SKP1: variants seen among roughly 807,000 people sequenced by gnomAD.
The protein encoded by SKP1 is S-phase kinase-associated protein 1.
SKP1 carries 1 observed loss-of-function variant against 21.5 expected under a neutral mutation model. That is an observed-to-expected ratio of 0.05 (90% CI 0.02 to 0.22). The LOEUF is 0.22. Among genes scored for constraint, SKP1 ranks in the 10% least tolerant of loss-of-function variants. The probability of loss-of-function intolerance (pLI) is 1.00; values close to 1 mark genes in which losing one functional copy is unlikely to be tolerated. For missense variants in SKP1, 70 were observed against 192.0 expected, an observed-to-expected ratio of 0.36 and a Z score of 3.76; for synonymous variants, 59 against 59.3, an observed-to-expected ratio of 0.99 and a Z score of 0.03.
intron 1 of SKP1, chr5:134,175,194 A>G (rs536855087): frequency 2.0e-5 from 3 of 152,368 alleles, no homozygotes; most frequent in Admixed American, 2.0e-4. Context: ...CTCTGAGACA[A>G]TTGTCGCCAA....
chr5:134,162,022 G>C (rs900403961), intron 3 of SKP1: 1 of 150,056 alleles, frequency 6.7e-6, no homozygotes, highest in African/African-American at 2.5e-5. Flanking sequence ...ACAATGCTGA[G>C]AGAAAATGGC....
rs552398594 is a variant in SKP1 at position 134,157,288 on chromosome 5, T to C, written c.*445A>G. The C allele has an allele frequency of 1.1e-3, 193 of 178,428 alleles. No individual in the cohort carries two copies. The highest frequency in any genetic ancestry group is 1.7e-3 in the Non-Finnish European group (146 of 84,160). The allele number at this position is 178,428 out of a possible 1,614,324, so 11.1% of individuals were successfully genotyped here. A position where few individuals can be genotyped will look rare whatever the true frequency, so the allele number is the denominator to read the frequency against. On this transcript the variant is annotated 3_prime_UTR_variant, in exon 6 of 6. Coordinates refer to ENST00000353411, the MANE Select transcript of SKP1 (RefSeq NM_170679.3). ...ATCCTAGTAGCTCCACTCAGAACATTTACTTCAAGAAGCCTTTTTCCAGTT... is the reference window on the plus strand; with the variant it reads ...ATCCTAGTAGCTCCACTCAGAACATCTACTTCAAGAAGCCTTTTTCCAGTT...
chr5:134,149,734 C>T lies in SKP1; in HGVS notation c.*7999G>A, dbSNP rs1482658544. ...CATTCTAACCAGGGCTTATGCAAGA[C>T]CAGGTTGCTGCATCTGATTTGGTGT... On this transcript the variant is annotated 3_prime_UTR_variant, in exon 6 of 6. Transcript: ENST00000353411. 4 of 151,390 alleles carry T rather than the reference C, an allele frequency of 2.6e-5. No individual in the cohort carries two copies. The highest frequency in any genetic ancestry group is 7.3e-5 in the African/African-American group (3 of 40,946). 9.4% of individuals were successfully genotyped at this position (151,390 alleles called of 1,614,324 possible).
At chr5:134,159,387 G>A (rs911291254) in intron 4 of SKP1, among the ~76,000 whole-genome samples, 1 of 150,122 alleles carries the variant, frequency 6.7e-6, no homozygotes, top group Middle Eastern at 3.2e-3. Context: ...TTACAATGGA[G>A]ACTTTTTTTT....
chr5:134,170,566 G>C (rs1333477206), intron 2 of SKP1, among the ~76,000 whole-genome samples: 1 of 152,150 alleles, frequency 6.6e-6, no homozygotes, highest in African/African-American at 2.4e-5. Context: ...CATAACCAGA[G>C]ATACTGCAGG....
At chr5:134,159,252 G>A (rs754773435) in intron 4 of SKP1, among the ~76,000 whole-genome samples, 1 of 152,048 alleles carries the variant, frequency 6.6e-6, no homozygotes, top group Non-Finnish European at 1.5e-5. Context: ...TTTCTTCTCT[G>A]ACCCATAGGT....
chr5:134,176,023 C>T (rs1363541438), intron 1 of SKP1, among the ~76,000 whole-genome samples: 1 of 152,124 alleles, frequency 6.6e-6, no homozygotes, highest in African/African-American at 2.4e-5. Flanking sequence ...TTCTATGAAA[C>T]GGATACATTC....
chr5:134,173,936 G>A lies in SKP1; in HGVS notation c.87C>T (p.Thr29=). Reference sequence around the variant, plus strand: ...TTCCAATGAACTTACCTTCCAACATGGTCTTAATAGTCACAGATTGTTTGG... The same window carrying A: ...TTCCAATGAACTTACCTTCCAACATAGTCTTAATAGTCACAGATTGTTTGG... ...EIAKQSVTIK[T]MLEDLGMDDE... The change falls in exon 2 of 6, where the codon ACC becomes ACT. Residue 29 remains threonine (T), a synonymous_variant. Coordinates refer to ENST00000353411, the MANE Select transcript of SKP1 (RefSeq NM_170679.3). The A allele has an allele frequency of 1.3e-6, 2 of 1,584,628 alleles. No individual in the cohort carries two copies. The highest frequency in any genetic ancestry group is 8.7e-7 in the Non-Finnish European group (1 of 1,153,510).
chr5:134,171,303 T>C (rs982188471), intron 2 of SKP1, among the ~76,000 whole-genome samples: 2 of 152,208 alleles, frequency 1.3e-5, no homozygotes, highest in African/African-American at 4.8e-5. Context: ...GTCTACAGTA[T>C]ATAAATCTGG....
chr5:134,158,212 T>C, intron 5 of SKP1: 2 of 1,420,378 alleles, frequency 1.4e-6, no homozygotes, highest in Non-Finnish European at 9.2e-7. Flanking sequence ...TAGTAACTGT[T>C]AATACATTAA....
rs1160353774 is a variant in SKP1, at chr5:134,154,739, A to C, written c.*2994T>G. On this transcript the variant is annotated 3_prime_UTR_variant, in exon 6 of 6. Transcript: ENST00000353411. ...ATCTGCCAAATACCTTCTTCCTCTC[A>C]TTCTCTTTCCTGGTGAAATAAAAGG... The C allele has an allele frequency of 6.6e-6, 1 of 152,176 alleles. No homozygotes were observed. The highest frequency in any genetic ancestry group is 1.5e-5 in the Non-Finnish European group (1 of 68,038). The allele number at this position is 152,176 out of a possible 1,614,324, so 9.4% of individuals were successfully genotyped here.
intron 3 of SKP1, among the ~76,000 whole-genome samples, chr5:134,163,888 T>C (rs1761273899): frequency 6.6e-6 from 1 of 152,136 alleles, no homozygotes; most frequent in South Asian, 2.1e-4. Flanking sequence ...TCTGACCTTA[T>C]CTACTCACTT....
chr5:134,165,197 CTGAA>C (rs1174467809), intron 3 of SKP1, among the ~76,000 whole-genome samples: 1 of 152,026 alleles, frequency 6.6e-6, no homozygotes, highest in African/African-American at 2.4e-5. Flanking sequence ...ATTAATGTCA[CTGAA>C]TGGTGCACGT....
chr5:134,162,630 A>ACC lies in SKP1; in HGVS notation c.172-1502_172-1501dup, dbSNP rs375716876. On this transcript the variant is annotated intron_variant, in intron 3 of 5. Coordinates refer to ENST00000353411, the MANE Select transcript of SKP1 (RefSeq NM_170679.3). Reference sequence around the variant, plus strand: ...TCGAACTCCTGACCTCAGATGATCCACCCCCCTTGGCTTCCCAAAGTGCTG... The same window carrying ACC: ...TCGAACTCCTGACCTCAGATGATCCACCCCCCCCTTGGCTTCCCAAAGTGCTG... Among the ~76,000 whole-genome samples, 599 of 151,138 alleles carry ACC rather than the reference A, an allele frequency of 4.0e-3. 7 individuals carry two copies. Among genetic ancestry groups the ACC allele is most frequent in the African/African-American group, 0.014 (556 of 41,146 alleles).
At chr5:134,173,783 T>A (rs1449212159) in intron 2 of SKP1, 143 bp downstream of exon 2, 1 of 702,760 alleles carries the variant, frequency 1.4e-6, no homozygotes, top group East Asian at 2.8e-5. Context: ...CAGAAAAATG[T>A]AAGTTATAAA....
rs1378826062 is a variant in SKP1, at chr5:134,155,803, G to A, written c.*1930C>T. ...CATAATACTGCTAAGGATACTTCTG[G>A]TTTGTTTTTGAGACAAGGTCTCGCT... On this transcript the variant is annotated 3_prime_UTR_variant, in exon 6 of 6. Coordinates refer to ENST00000353411, the MANE Select transcript of SKP1 (RefSeq NM_170679.3). 2.0e-5 allele frequency: 3 copies of A among 152,132 alleles called. No individual in the cohort carries two copies. Among genetic ancestry groups the A allele is most frequent in the African/African-American group, 7.2e-5 (3 of 41,410 alleles). The allele number at this position is 152,132 out of a possible 1,614,324, so 9.4% of individuals were successfully genotyped here.
chr5:134,155,323 A>T lies in SKP1; in HGVS notation c.*2410T>A, dbSNP rs1346200147. 6.6e-6 allele frequency: 1 copy of T among 152,256 alleles called. No individual in the cohort carries two copies. The highest frequency in any genetic ancestry group is 2.4e-5 in the African/African-American group (1 of 41,466). The allele number at this position is 152,256 out of a possible 1,614,324, so 9.4% of individuals were successfully genotyped here. A position where few individuals can be genotyped will look rare whatever the true frequency, so the allele number is the denominator to read the frequency against. On this transcript the variant is annotated 3_prime_UTR_variant, in exon 6 of 6. Coordinates refer to ENST00000353411, the MANE Select transcript of SKP1 (RefSeq NM_170679.3). ...AGCCTAGAAAAGTTCTAGTAGATAT[A>T]TTAAAGGAATAGTGGGCATACAGCA...
chr5:134,169,544 T>C (rs926348710), intron 2 of SKP1, among the ~76,000 whole-genome samples: 22 of 152,210 alleles, frequency 1.4e-4, no homozygotes, highest in Non-Finnish European at 2.9e-4. Context: ...CAAATGTAAT[T>C]TGGAACGAGG....
At position 134,157,683 on chromosome 5, in the gene SKP1, A is replaced by C; in HGVS notation, c.*50T>G. ...TAACAATTATAAACAGAGCAGTGCA[A>C]CTAGTATTTGGAACAATCCTTACAG... On this transcript the variant is annotated 3_prime_UTR_variant, in exon 6 of 6. Coordinates refer to ENST00000353411, the MANE Select transcript of SKP1 (RefSeq NM_170679.3). 7.1e-7 allele frequency: 1 copy of C among 1,402,472 alleles called. No individual in the cohort carries two copies. Among genetic ancestry groups the C allele is most frequent in the Non-Finnish European group, 1.0e-6 (1 of 988,208 alleles). 86.9% of individuals were successfully genotyped at this position (1,402,472 alleles called of 1,614,324 possible).
Sources: gnomAD v4.1 joint callset for allele counts (sites outside exome capture counted in the v4.1 genomes callset) on GRCh38, gnomAD v4.1.1 for gene constraint, MANE v1.5 for transcripts, NCBI Gene and HGNC (gene_info 2026-07-23, HGNC 2026-07-21) for gene names.